Variants in PLEKHH3 observed in about 807,000 individuals in gnomAD.
The protein encoded by PLEKHH3 is pleckstrin homology, MyTH4 and FERM domain containing H3, also known as pleckstrin homology domain-containing family H member 3.
In PLEKHH3, 57 loss-of-function variants were observed where a neutral mutation model predicts 77.8. The observed-to-expected ratio is 0.73, with a 90% confidence interval of 0.59 to 0.91. The LOEUF is 0.91. Ranked by LOEUF, PLEKHH3 falls within the 40% of genes least tolerant of loss-of-function variation. The pLI, the probability that PLEKHH3 is intolerant of heterozygous loss-of-function variation, is 0.00. For missense variants in PLEKHH3, 1,082 were observed against 1,091.2 expected, an observed-to-expected ratio of 0.99 and a Z score of 0.12; for synonymous variants, 467 against 504.8, an observed-to-expected ratio of 0.93 and a Z score of 1.00.
chr17:42,674,478 T>G (rs2052778558), intron 1 of PLEKHH3, 69 bp from the exon 2 acceptor site: 2 of 1,421,772 alleles, frequency 1.4e-6, no homozygotes, highest in Non-Finnish European at 1.9e-6. Flanking sequence ...CCTTCTGCCC[T>G]CAGGACAGGG....
Position 42,669,630 on chromosome 17 carries a change from A to AG in PLEKHH3, c.2014-10dup. On this transcript the variant is annotated splice_polypyrimidine_tract_variant and intron_variant, in intron 11 of 12. Transcript: ENST00000591022. Reference sequence around the variant, plus strand: ...GCACCCCGACCAGGCTCCTGCAGACAGAGAGGCAGAGTCAGGGTGGAAGGA... The same window carrying AG: ...GCACCCCGACCAGGCTCCTGCAGACAGGAGAGGCAGAGTCAGGGTGGAAGGA... The AG allele has an allele frequency of 6.3e-7, 1 of 1,595,664 alleles. No individual in the cohort carries two copies. Among genetic ancestry groups the AG allele is most frequent in the Non-Finnish European group, 8.6e-7 (1 of 1,167,064 alleles).
At chr17:42,672,060 C>G (rs1251889160) in intron 7 of PLEKHH3, 26 bp downstream of exon 7, 2 of 1,449,000 alleles carry the variant, frequency 1.4e-6, no homozygotes, top group Non-Finnish European at 1.8e-6. Context: ...TCGCCTAGGC[C>G]GTAACCCCCA....
At chr17:42,669,862 G>A (rs1307845971) in intron 11 of PLEKHH3, 56 bp downstream of exon 11, 4 of 1,597,808 alleles carry the variant, frequency 2.5e-6, no homozygotes, top group Non-Finnish European at 3.4e-6. Context: ...TGTGGCTCTG[G>A]GGCAAAGGTG....
At chr17:42,674,299 G>A in intron 2 of PLEKHH3, 55 bp downstream of exon 2, 3 of 1,506,570 alleles carry the variant, frequency 2.0e-6, no homozygotes, top group Non-Finnish European at 2.7e-6. Context: ...AGAGGATGGG[G>A]GTCCCGGGAA....
Position 42,671,081 on chromosome 17 carries a change from G to A in PLEKHH3, c.1334C>T (p.Ala445Val). The change falls in exon 9 of 13, where the codon GCA (alanine) becomes GTA (valine). Residue 445 changes from alanine to valine, a missense_variant. This residue lies in a region of PLEKHH3 where 733 missense variants were observed against 750.0 expected (regional missense o/e 0.98). Transcript: ENST00000591022. The surrounding 1 kb of genome is among the most constrained non-coding windows in gnomAD (Gnocchi z 4.7). ...GRLGLARSRN[A>V]FALYEQRGAQ... ...CCCTCGCTGCTCGTACAGCGCGAAT[G>A]CGTTGCGGCTCCGGGCCAAGCCCAG... The A allele has an allele frequency of 2.5e-6, 4 of 1,606,838 alleles. No individual in the cohort carries two copies. The highest frequency in any genetic ancestry group is 3.4e-6 in the Non-Finnish European group (4 of 1,176,012).
At position 42,673,765 on chromosome 17, in the gene PLEKHH3, AC is replaced by A. The variant is rs770207488; in HGVS notation, c.367del (p.Val123CysfsTer31). ...PWLPPRRAWF[V>X]LTRDSLDQFS... ...CTGATCCAGGGAGTCCCGCGTGAGC[AC>A]AAACCAGGCTCGGCGCGGGGGCAGC... is the stretch of plus-strand genomic sequence containing the variant. On this transcript the variant is annotated frameshift_variant, in exon 4 of 13. Coordinates refer to ENST00000591022, the MANE Select transcript of PLEKHH3 (RefSeq NM_024927.5). LOFTEE classifies it high-confidence loss of function. 6.3e-7 allele frequency: 1 copy of A among 1,597,794 alleles called. No homozygotes were observed. Among genetic ancestry groups the A allele is most frequent in the Admixed American group, 1.7e-5 (1 of 59,584 alleles).
Position 42,668,271 on chromosome 17 carries a change from G to A in PLEKHH3, c.2238C>T (p.Tyr746=). 1 of 1,557,744 alleles carries A rather than the reference G, an allele frequency of 6.4e-7. No individual in the cohort carries two copies. The highest frequency in any genetic ancestry group is 1.4e-5 in the African/African-American group (1 of 70,542). ...GCCTCTCGGGGGAGGGGTTGGCCAA[G>A]TAGGCATTCACCAGCTGCATGATCT... ...VEEIMQLVNA[Y]LANPSPERPC... The change falls in exon 13 of 13, where the codon TAC becomes TAT. Residue 746 remains tyrosine (Y), a synonymous_variant. Transcript: ENST00000591022.
At position 42,671,031 on chromosome 17, in the gene PLEKHH3, C is replaced by T. The variant is rs775825066; in HGVS notation, c.1384G>A (p.Gly462Arg). Residue 462 changes from glycine to arginine, a missense_variant, in exon 9 of 13, where the codon GGG (glycine) becomes AGG (arginine). Physicochemically the swap from Gly to Arg is moderately radical, Grantham distance 125. Transcript: ENST00000591022. The surrounding 1 kb of genome is among the most constrained non-coding windows in gnomAD (Gnocchi z 4.7). The part of the protein sequence containing the change: ...RGAQERALAG[G>R]TLVADVLTRF... ...GTGAGCACGTCGGCCACGAGGGTCCCCCCAGCCAGGGCTCGCTCCTGGGCC... is the reference window on the plus strand; with the variant it reads ...GTGAGCACGTCGGCCACGAGGGTCCTCCCAGCCAGGGCTCGCTCCTGGGCC... 6.2e-7 allele frequency: 1 copy of T among 1,611,096 alleles called. No individual in the cohort carries two copies. Among genetic ancestry groups the T allele is most frequent in the South Asian group, 1.1e-5 (1 of 90,906 alleles).
chr17:42,673,730 T>C lies in PLEKHH3; in HGVS notation c.403A>G (p.Ser135Gly). Residue 135 changes from serine (S) to glycine (G), a missense_variant, in exon 4 of 13, where the codon AGC becomes GGC. Ser to Gly is a moderately conservative substitution (Grantham distance 56, BLOSUM62 0). Transcript: ENST00000591022. Reference protein sequence around the residue: ...TRDSLDQFSSSGKGARRLGSL... With the variant: ...TRDSLDQFSSGGKGARRLGSL... ...CCGAGACGCCGCGCCCCTTTCCCGCTGCTGCTGAACTGATCCAGGGAGTCC... is the reference window on the plus strand; with the variant it reads ...CCGAGACGCCGCGCCCCTTTCCCGCCGCTGCTGAACTGATCCAGGGAGTCC... 1 of 1,600,702 alleles carries C rather than the reference T, an allele frequency of 6.2e-7. No homozygotes were observed. The highest frequency in any genetic ancestry group is 8.5e-7 in the Non-Finnish European group (1 of 1,179,786).
rs925609219 is a variant in PLEKHH3, at chr17:42,671,869, G to A, written c.1076+217C>T. On this transcript the variant is annotated intron_variant, in intron 7 of 12. Transcript: ENST00000591022. The surrounding 1 kb of genome is among the most constrained non-coding windows in gnomAD (Gnocchi z 4.7). The stretch of plus-strand genomic sequence containing the variant: ...GCCCTGGCGCTGGCCTGCATCAGCT[G>A]GAGGAAAAGCAGCCTTTTCATAACT... 2.0e-5 allele frequency among the ~76,000 whole-genome samples: 3 copies of A among 152,156 alleles called. No individual in the cohort carries two copies. Among genetic ancestry groups the A allele is most frequent in the African/African-American group, 7.2e-5 (3 of 41,442 alleles).
In PLEKHH3 at chr17:42,673,510, G is replaced by C. The variant is rs778174701; in HGVS notation, c.537C>G (p.Leu179=). ...CAGCCTCTGCCTGGCGTGGGGAGCA[G>C]AGGCGGACACTGTGTTTCCGACCAG... ...TVSGRKHSVR[L]CSPRQAEAER... The change falls in exon 5 of 13, where the codon CTC becomes CTG. Residue 179 remains leucine (L), a synonymous_variant. Transcript: ENST00000591022. 46 of 1,605,854 alleles carry C rather than the reference G, an allele frequency of 2.9e-5. No homozygotes were observed. The African/African-American group carries it at 4.0e-4, about 14-fold the overall frequency.
Position 42,668,120 on chromosome 17 carries a change from G to A in PLEKHH3, c.*7C>T. 1 of 1,420,046 alleles carries A rather than the reference G, an allele frequency of 7.0e-7. No individual in the cohort carries two copies. Among genetic ancestry groups the A allele is most frequent in the African/African-American group, 1.5e-5 (1 of 67,576 alleles). The allele number at this position is 1,420,046 out of a possible 1,614,324, so 88.0% of individuals were successfully genotyped here. A position where few individuals can be genotyped will look rare whatever the true frequency, so the allele number is the denominator to read the frequency against. The stretch of plus-strand genomic sequence containing the variant: ...GGCAGGAGGGAAGTCGTGACCTCTT[G>A]GCAGGCTCAGTCCTGCAGCTGCCCC... On this transcript the variant is annotated 3_prime_UTR_variant, in exon 13 of 13. Coordinates refer to ENST00000591022, the MANE Select transcript of PLEKHH3 (RefSeq NM_024927.5).
At position 42,676,506 on chromosome 17, in the gene PLEKHH3, G is replaced by T; in HGVS notation, c.58C>A (p.Leu20Met). Reference protein sequence around the residue: ...LLCCRRGFTLLHRDYGDGELS... With the variant: ...LLCCRRGFTLMHRDYGDGELS... ...TCGCCGTCCCCGTAGTCCCGGTGCA[G>T]AAGAGTGAAGCCTCGACGGCAGCAG... Residue 20 changes from leucine (L) to methionine (M), a missense_variant, in exon 1 of 13, where the codon CTG (leucine) becomes ATG (methionine). This residue lies in a region of PLEKHH3 where 344 missense variants were observed against 320.8 expected (regional missense o/e 1.07). Coordinates refer to ENST00000591022, the MANE Select transcript of PLEKHH3 (RefSeq NM_024927.5). This position sits in a 1 kb window ranked among gnomAD's most constrained non-coding sequence, Gnocchi z 6.6. The T allele has an allele frequency of 6.2e-7, 1 of 1,606,214 alleles. No homozygotes were observed. The highest frequency in any genetic ancestry group is 8.5e-7 in the Non-Finnish European group (1 of 1,176,628).
chr17:42,671,041 G>A lies in PLEKHH3; in HGVS notation c.1374C>T (p.Ala458=), dbSNP rs773932545. Residue 458 remains alanine, a synonymous_variant, in exon 9 of 13, where the codon GCC becomes GCT. Transcript: ENST00000591022. This position sits in a 1 kb window ranked among gnomAD's most constrained non-coding sequence, Gnocchi z 4.7. ...LYEQRGAQER[A]LAGGTLVADV... is the part of the protein sequence containing the mutation. The stretch of plus-strand genomic sequence containing the variant: ...CGGCCACGAGGGTCCCCCCAGCCAG[G>A]GCTCGCTCCTGGGCCCCTCGCTGCT... The A allele has an allele frequency of 6.2e-7, 1 of 1,610,938 alleles. No homozygotes were observed. The highest frequency in any genetic ancestry group is 1.7e-5 in the Admixed American group (1 of 59,300).
At position 42,676,002 on chromosome 17, in the gene PLEKHH3, C is replaced by A; in HGVS notation, c.162+400G>T. 9.3e-7 allele frequency: 1 copy of A among 1,077,654 alleles called. No individual in the cohort carries two copies. The highest frequency in any genetic ancestry group is 3.0e-5 in the South Asian group (1 of 33,548). The allele number at this position is 1,077,654 out of a possible 1,614,324, so 66.8% of individuals were successfully genotyped here. The stretch of plus-strand genomic sequence containing the variant: ...GGAGCTCTCGCATCTGGCCTCCGCA[C>A]TTGCGAACTGGGAGCGGAGGGGGAC... On this transcript the variant is annotated intron_variant, in intron 1 of 12. Coordinates refer to ENST00000591022, the MANE Select transcript of PLEKHH3 (RefSeq NM_024927.5). This position sits in a 1 kb window ranked among gnomAD's most constrained non-coding sequence, Gnocchi z 6.6.
intron 12 of PLEKHH3, chr17:42,669,196 C>G (rs1201604404): frequency 4.8e-6 from 2 of 413,194 alleles, no homozygotes; most frequent in Non-Finnish European, 8.3e-6. Context: ...GAACCCTTCC[C>G]TGGCTTCCTG....
Position 42,670,121 on chromosome 17 carries a change from C to G in PLEKHH3, c.1810G>C (p.Ala604Pro). 1 of 1,264,778 alleles carries G rather than the reference C, an allele frequency of 7.9e-7. No homozygotes were observed. The highest frequency in any genetic ancestry group is 9.9e-7 in the Non-Finnish European group (1 of 1,010,444). 78.3% of individuals were successfully genotyped at this position (1,264,778 alleles called of 1,614,324 possible). A position where few individuals can be genotyped will look rare whatever the true frequency, so the allele number is the denominator to read the frequency against. Residue 604 changes from alanine (A) to proline (P), a missense_variant, in exon 11 of 13, where the codon GCC (alanine) becomes CCC (proline). Physicochemically the swap from Ala to Pro is conservative, Grantham distance 27 (BLOSUM62 -1). Around this residue, in one of 3 missense-constraint regions of PLEKHH3, gnomAD observed 733 missense variants for 750.0 expected, o/e 0.98. Transcript: ENST00000591022. ...GTGCGGCCGGCCCCGCCGCGCCGGGCCCGCTCCGCCCGCCTCTTGGCCAGG... is the reference window on the plus strand; with the variant it reads ...GTGCGGCCGGCCCCGCCGCGCCGGGGCCGCTCCGCCCGCCTCTTGGCCAGG... ...PGLAKRRAER[A>P]RRGGAGRTAG...
intron 10 of PLEKHH3, 37 bp downstream of exon 10, chr17:42,670,536 G>C: frequency 1.3e-6 from 2 of 1,584,788 alleles, no homozygotes; most frequent in Non-Finnish European, 1.7e-6. Flanking sequence ...TCAGGCTTGG[G>C]GGTCTGTTTG....
chr17:42,675,381 G>T (rs2052799750), intron 1 of PLEKHH3, among the ~76,000 whole-genome samples: 1 of 152,196 alleles, frequency 6.6e-6, no homozygotes, highest in South Asian at 2.1e-4. Context: ...CCTGGGTCCT[G>T]CACCCTTCCT....
Sources: allele counts gnomAD v4.1 joint callset (sites outside exome capture counted in the v4.1 genomes callset), GRCh38; gene constraint gnomAD v4.1.1; regional missense constraint gnomAD v4.1.1; non-coding constraint Gnocchi (gnomAD v3.1); transcripts MANE v1.5; gene names NCBI Gene and HGNC (gene_info 2026-07-23, HGNC 2026-07-21).